ABCG2: variants seen among roughly 807,000 people sequenced by gnomAD.
ABCG2 encodes the protein ATP binding cassette subfamily G member 2 (JR blood group), also known as broad substrate specificity ATP-binding cassette transporter ABCG2.
Under a neutral mutation model 73.5 loss-of-function variants are expected in ABCG2, and 80 were observed. The observed-to-expected ratio is 1.09, with a 90% CI of 0.91 to 1.31. The LOEUF is 1.31. ABCG2 is among the 50% of genes most tolerant of loss of function. ABCG2 has a pLI of 0.00. For missense variants in ABCG2, 796 were observed against 786.2 expected, an observed-to-expected ratio of 1.01 and a Z score of -0.15; for synonymous variants, 269 against 282.4, an observed-to-expected ratio of 0.95 and a Z score of 0.48.
chr4:88,131,939 G>T (rs753341230), intron 3 of ABCG2, 22 bp from the exon 4 acceptor site: 2 of 1,561,912 alleles, frequency 1.3e-6, no homozygotes, highest in South Asian at 1.1e-5. Flanking sequence ...CATATATGTT[G>T]TGGGTCTAAT....
chr4:88,178,069 G>A (rs895129080), intron 1 of ABCG2, among the ~76,000 whole-genome samples: 8 of 152,288 alleles, frequency 5.3e-5, no homozygotes, highest in South Asian at 4.1e-4. Context: ...AGGGCAACAT[G>A]ACCTAGTGAG....
chr4:88,170,003 C>G (rs906784140), intron 1 of ABCG2, among the ~76,000 whole-genome samples: 1 of 148,514 alleles, frequency 6.7e-6, no homozygotes, highest in Non-Finnish European at 1.5e-5. Context: ...CCCAGCTACT[C>G]GGGAGGCTGA....
At chr4:88,112,345 A>G (rs938963497) in intron 9 of ABCG2, among the ~76,000 whole-genome samples, 1 of 152,098 alleles carries the variant, frequency 6.6e-6, no homozygotes, top group Non-Finnish European at 1.5e-5. Context: ...TGGCCAGCAC[A>G]TACTCCCTTT....
At chr4:88,100,278 T>C (rs969626580) in intron 11 of ABCG2, among the ~76,000 whole-genome samples, 6 of 151,206 alleles carry the variant, frequency 4.0e-5, no homozygotes, top group Non-Finnish European at 8.8e-5. Context: ...AGGGGGTGGA[T>C]CACCTGAGGT....
intron 1 of ABCG2, among the ~76,000 whole-genome samples, chr4:88,157,058 T>G (rs1726991138): frequency 6.6e-6 from 1 of 152,200 alleles, no homozygotes; most frequent in African/African-American, 2.4e-5. Context: ...GCTGAGATCG[T>G]GCCACTGCAC....
At position 88,224,404 on chromosome 4, in the gene ABCG2, C is replaced by A. The variant is rs551920765; in HGVS notation, c.-20+6590G>T. 3.9e-5 allele frequency among the ~76,000 whole-genome samples: 6 copies of A among 152,234 alleles called. No homozygotes were observed. The East Asian group carries it at 1.2e-3, about 29-fold the overall frequency. ...AATGAGCCGAGATGGTGTCACTGCA[C>A]CCCAGCCTGGGCAATGGGAGTAAGA... On this transcript the variant is annotated intron_variant, in intron 1 of 15. Coordinates refer to the ABCG2 transcript ENST00000515655.
Position 88,197,194 on chromosome 4 carries a change from C to A in ABCG2, c.-20+33800G>T, listed in dbSNP as rs930279911. On this transcript the variant is annotated intron_variant, in intron 1 of 15. Transcript: ENST00000515655. ...CCAGTACATCATGTCTGGCTTTCAA[C>A]AACAAAAAAAAAAAAACAAGGCATA... 7.2e-3 allele frequency among the ~76,000 whole-genome samples: 665 copies of A among 92,208 alleles called. 1 individual carries two copies. The highest frequency in any genetic ancestry group is 7.5e-3 in the African/African-American group (222 of 29,656). 60.5% of individuals were successfully genotyped at this position (92,208 alleles called of 152,430 possible).
At chr4:88,142,461 A>G (rs1485137262) in intron 1 of ABCG2, among the ~76,000 whole-genome samples, 1 of 152,230 alleles carries the variant, frequency 6.6e-6, no homozygotes, top group African/African-American at 2.4e-5. Flanking sequence ...CTGGAAAAGT[A>G]GAAACCATTT....
At chr4:88,115,256 C>CTCTCTCTCTCTCTCTCTCTATATATATA (rs1309360818) in intron 7 of ABCG2, among the ~76,000 whole-genome samples, 198 bp from the exon 8 acceptor site, 10 of 69,860 alleles carry the variant, frequency 1.4e-4, no homozygotes, top group African/African-American at 2.3e-4. Flanking sequence ...CTCTCTCTCT[C>CTCTCTCTCTCTCTCTCTCTATATATATA]TATATATATA....
At chr4:88,176,647 ATTTTT>A (rs35728226) in intron 1 of ABCG2, among the ~76,000 whole-genome samples, 2 of 90,162 alleles carry the variant, frequency 2.2e-5, no homozygotes, top group South Asian at 3.9e-4. Context: ...CACCTGGCTA[ATTTTT>A]TTTTTTTTTT....
rs900296985 is a variant in ABCG2, at chr4:88,091,464, T to G, written c.*770A>C. The G allele has an allele frequency of 5.9e-5, 9 of 152,182 alleles. No individual in the cohort carries two copies. Among genetic ancestry groups the G allele is most frequent in the African/African-American group, 2.2e-4 (9 of 41,450 alleles). The allele number at this position is 152,182 out of a possible 1,614,324, so 9.4% of individuals were successfully genotyped here. On this transcript the variant is annotated 3_prime_UTR_variant, in exon 16 of 16. Coordinates refer to ENST00000237612, the MANE Select transcript of ABCG2 (RefSeq NM_004827.3). ...TCTGGAGCTACTTAGGCCAGATTTT[T>G]GTATTTTAGCAAAGTTCCTCAGATG...
rs769872004 is a variant in ABCG2, at chr4:88,114,940, G to C, written c.943+17C>G. 1 of 1,568,932 alleles carries C rather than the reference G, an allele frequency of 6.4e-7. No individual in the cohort carries two copies. The highest frequency in any genetic ancestry group is 1.7e-5 in the Admixed American group (1 of 58,890). ...TTCAATTAGGCAAAAATCTGGGACT[G>C]TAACAGATTCATATACCTTTAAAGT... On this transcript the variant is annotated intron_variant, in intron 8 of 15. Coordinates refer to ENST00000237612, the MANE Select transcript of ABCG2 (RefSeq NM_004827.3).
chr4:88,160,942 G>C (rs1441398093), upstream of ABCG2, among the ~76,000 whole-genome samples: 1 of 151,128 alleles, frequency 6.6e-6, no homozygotes, highest in African/African-American at 2.4e-5. Flanking sequence ...TTGGGAGGCA[G>C]AGGCCAAAGA....
At chr4:88,131,409 C>T (rs1724865538) in intron 4 of ABCG2, among the ~76,000 whole-genome samples, 196 bp from the exon 5 acceptor site, 1 of 152,098 alleles carries the variant, frequency 6.6e-6, no homozygotes, top group South Asian at 2.1e-4. Flanking sequence ...CATTTTTCAC[C>T]CCCTATCTGT....
chr4:88,108,478 G>A (rs191778328), intron 9 of ABCG2, among the ~76,000 whole-genome samples: 1 of 152,232 alleles, frequency 6.6e-6, no homozygotes, highest in East Asian at 1.9e-4. Flanking sequence ...GTTGCAGCGA[G>A]CCAAGATCAT....
intron 1 of ABCG2, among the ~76,000 whole-genome samples, chr4:88,156,307 G>A (rs1220169802): frequency 8.0e-5 from 12 of 150,452 alleles, no homozygotes; most frequent in African/African-American, 2.2e-4. Context: ...CCTGGGAGGC[G>A]GAGGGTGCAG....
At chr4:88,112,057 G>A (rs1390007615) in intron 9 of ABCG2, among the ~76,000 whole-genome samples, 1 of 150,924 alleles carries the variant, frequency 6.6e-6, no homozygotes, top group Non-Finnish European at 1.5e-5. Context: ...CTGCACTCCA[G>A]TATGAGTGAC....
At chr4:88,191,734 A>T (rs1728702151) in intron 1 of ABCG2, among the ~76,000 whole-genome samples, 1 of 152,222 alleles carries the variant, frequency 6.6e-6, no homozygotes, top group African/African-American at 2.4e-5. Flanking sequence ...TAAGTGAATA[A>T]AGAAAATGTG....
At chr4:88,150,547 TATCTATATTTAAAGCAGGAGTGTCCA>T (rs1271382426) in intron 1 of ABCG2, among the ~76,000 whole-genome samples, 5 of 152,162 alleles carry the variant, frequency 3.3e-5, no homozygotes. Context: ...GAAGAAATGA[TATCTATATTTAAAGCAGGAGTGTCCA>T]ATCTTTTGGC....
Sources: gnomAD v4.1 joint callset for allele counts (sites outside exome capture counted in the v4.1 genomes callset) on GRCh38, gnomAD v4.1.1 for gene constraint, MANE v1.5 for transcripts, NCBI Gene and HGNC (gene_info 2026-07-23, HGNC 2026-07-21) for gene names.